The following KIRREL1 variants were observed in gnomAD, a reference collection of about 807,000 sequenced individuals.
KIRREL1 encodes kin of IRRE-like protein 1.
Under a neutral mutation model 83.3 loss-of-function variants are expected in KIRREL1, and 25 were observed. The ratio of observed to expected loss-of-function variants is 0.30; its 90% CI spans 0.22 to 0.42. The LOEUF (loss-of-function observed/expected upper bound fraction) is 0.42, where lower values mean the gene tolerates loss of function less well. Among genes scored for constraint, KIRREL1 ranks in the 10% least tolerant of loss-of-function variants. The pLI is 1.00. For synonymous variants in KIRREL1, 388 were observed against 410.4 expected (o/e 0.95, Z 0.66); for missense variants, 812 against 1,032.3 (o/e 0.79, Z 2.92).
At chr1:158,048,149 G>T (rs1465774824) in intron 1 of KIRREL1, among the ~76,000 whole-genome samples, 1 of 152,156 alleles carries the variant, frequency 6.6e-6, no homozygotes, top group African/African-American at 2.4e-5. Context: ...CTCTGATGTT[G>T]GTGAGACCTA....
At chr1:158,008,895 C>T (rs1173291020) in intron 1 of KIRREL1, among the ~76,000 whole-genome samples, 2 of 152,128 alleles carry the variant, frequency 1.3e-5, no homozygotes, top group Non-Finnish European at 1.5e-5. Context: ...GGGGTCAGCA[C>T]AGGACAGGAT....
chr1:158,039,671 T>A (rs6683583), intron 1 of KIRREL1, among the ~76,000 whole-genome samples: 17,884 of 152,236 alleles, frequency 0.12, 1,211 homozygotes, highest in African/African-American at 0.17. Context: ...TTGCTTGAGC[T>A]CAGTTCTTTC....
intron 3 of KIRREL1, among the ~76,000 whole-genome samples, chr1:158,080,133 G>A (rs111662162): frequency 9.1e-4 from 138 of 152,186 alleles, no homozygotes; most frequent in African/African-American, 3.0e-3. Flanking sequence ...CAAGTATTCC[G>A]AGGAACCGTG....
At chr1:158,050,907 C>T (rs1038832936) in intron 1 of KIRREL1, among the ~76,000 whole-genome samples, 2 of 152,080 alleles carry the variant, frequency 1.3e-5, no homozygotes, top group Admixed American at 1.3e-4. Flanking sequence ...CTATTTGATC[C>T]GTCCCGGTCT....
At chr1:158,073,737 T>G (rs543240987) in intron 1 of KIRREL1, among the ~76,000 whole-genome samples, 104 of 152,298 alleles carry the variant, frequency 6.8e-4, no homozygotes, top group Non-Finnish European at 1.3e-3. Context: ...GTCACACCAC[T>G]CCTCATCTCC....
At chr1:158,022,753 T>C (rs957721386) in intron 1 of KIRREL1, among the ~76,000 whole-genome samples, 1 of 151,580 alleles carries the variant, frequency 6.6e-6, no homozygotes, top group African/African-American at 2.4e-5. Context: ...GGAGAGAGGG[T>C]CCAAGTGTTC....
intron 4 of KIRREL1, 55 bp downstream of exon 4, chr1:158,084,634 C>G: frequency 6.6e-7 from 1 of 1,526,246 alleles, no homozygotes; most frequent in Non-Finnish European, 8.9e-7. Flanking sequence ...GCTCACCTCT[C>G]CTTTCCCACA....
At chr1:157,998,456 A>C (rs931100398) in intron 1 of KIRREL1, among the ~76,000 whole-genome samples, 1 of 152,226 alleles carries the variant, frequency 6.6e-6, no homozygotes, top group Non-Finnish European at 1.5e-5. Flanking sequence ...GATATGATAA[A>C]TCTAGTAAAT....
rs149892648 is a variant in KIRREL1 at position 158,021,620 on chromosome 1, A to G, written c.52+27892A>G. 3.3e-5 allele frequency among the ~76,000 whole-genome samples: 5 copies of G among 152,296 alleles called. No homozygotes were observed. In the East Asian group the frequency reaches 7.7e-4, roughly 24 times the overall value. ...TTAAGAAGAAATGTGCATATACATG[A>G]CTTTTGACTGAATACTATTTACTTT... On this transcript the variant is annotated intron_variant, in intron 1 of 14. Transcript: ENST00000359209.
intron 1 of KIRREL1, among the ~76,000 whole-genome samples, chr1:158,038,578 GC>G (rs895042229): frequency 1.4e-5 from 2 of 146,178 alleles, no homozygotes; most frequent in African/African-American, 2.5e-5. Flanking sequence ...TCTTGCCTTG[GC>G]CCCCCCAAAA....
chr1:158,087,941 G>T, intron 6 of KIRREL1, 65 bp from the exon 7 acceptor site: 1 of 1,609,702 alleles, frequency 6.2e-7, no homozygotes, highest in African/African-American at 1.3e-5. Context: ...GGGAGGCCAG[G>T]TGTCATGGAT....
At chr1:158,023,819 A>C (rs1376853799) in intron 1 of KIRREL1, among the ~76,000 whole-genome samples, 6 of 152,196 alleles carry the variant, frequency 3.9e-5, no homozygotes, top group Admixed American at 6.5e-5. Context: ...AACTGTTTGG[A>C]AAGTGGAAAG....
chr1:158,019,904 A>C (rs1382201274), intron 1 of KIRREL1, among the ~76,000 whole-genome samples: 1 of 152,194 alleles, frequency 6.6e-6, no homozygotes, highest in Non-Finnish European at 1.5e-5. Flanking sequence ...AAGTCTGGGA[A>C]TCCCAGAGAA....
At chr1:158,050,902 T>C (rs1660893400) in intron 1 of KIRREL1, among the ~76,000 whole-genome samples, 1 of 152,142 alleles carries the variant, frequency 6.6e-6, no homozygotes, top group Non-Finnish European at 1.5e-5. Context: ...TTAGTCTATT[T>C]GATCCGTCCC....
chr1:158,022,745 A>G (rs192663506), intron 1 of KIRREL1, among the ~76,000 whole-genome samples: 21 of 152,146 alleles, frequency 1.4e-4, no homozygotes, highest in African/African-American at 4.6e-4. Context: ...GAAGGGCGGG[A>G]GAGAGGGTCC....
At chr1:158,005,440 C>T (rs1053047156) in intron 1 of KIRREL1, among the ~76,000 whole-genome samples, 2 of 152,094 alleles carry the variant, frequency 1.3e-5, no homozygotes, top group Non-Finnish European at 2.9e-5. Context: ...TGCCACCCAC[C>T]CCACCCTGCC....
At chr1:158,065,943 T>G (rs1477727377) in intron 1 of KIRREL1, among the ~76,000 whole-genome samples, 2 of 152,194 alleles carry the variant, frequency 1.3e-5, no homozygotes, top group East Asian at 3.8e-4. Flanking sequence ...TTACTTTATT[T>G]CTTGATTCTC....
Position 158,093,825 on chromosome 1 carries a change from C to T in KIRREL1, c.1719+63C>T. Reference sequence around the variant, plus strand: ...CACCCTCTGAGGACCAGCTCCATCCCAGATCTCTAATAACCGCGGTCATTC... The same window carrying T: ...CACCCTCTGAGGACCAGCTCCATCCTAGATCTCTAATAACCGCGGTCATTC... On this transcript the variant is annotated intron_variant, in intron 13 of 14. Transcript: ENST00000359209. 2.5e-6 allele frequency: 4 copies of T among 1,583,432 alleles called. No homozygotes were observed. The South Asian group carries it at 4.5e-5, about 18-fold the overall frequency.
intron 1 of KIRREL1, among the ~76,000 whole-genome samples, chr1:158,020,429 T>G (rs896773113): frequency 1.3e-5 from 2 of 152,026 alleles, no homozygotes; most frequent in Non-Finnish European, 2.9e-5. Flanking sequence ...GCAAATTGCT[T>G]TGAAATTCCA....
Sources: gnomAD v4.1 joint callset for allele counts (sites outside exome capture counted in the v4.1 genomes callset) on GRCh38, gnomAD v4.1.1 for gene constraint, MANE v1.5 for transcripts, NCBI Gene and HGNC (gene_info 2026-07-23, HGNC 2026-07-21) for gene names.